SETD5: variants seen among roughly 807,000 people sequenced by gnomAD.
SETD5 encodes the protein SET domain containing 5, also known as histone-lysine N-methyltransferase SETD5.
In SETD5, 44 loss-of-function variants were observed where a neutral mutation model predicts 153.3. That is an observed-to-expected ratio of 0.29 (90% CI 0.23 to 0.37). The LOEUF (loss-of-function observed/expected upper bound fraction) is 0.37, where lower values mean the gene tolerates loss of function less well. SETD5 is among the 10% of genes least tolerant of loss of function. The pLI is 1.00. For missense variants in SETD5, 1,544 were observed against 1,768.0 expected, an observed-to-expected ratio of 0.87 and a Z score of 2.27; for synonymous variants, 716 against 645.2, an observed-to-expected ratio of 1.11 and a Z score of -1.66.
rs1203074647 is a variant in SETD5, at chr3:9,457,464, G to A, written c.2476+3596G>A. 2.0e-5 allele frequency among the ~76,000 whole-genome samples: 3 copies of A among 151,878 alleles called. No individual in the cohort carries two copies. In the East Asian group the frequency reaches 5.8e-4, roughly 29 times the overall value. ...ATCGCGCCACTGCACTCCTGCCTGG[G>A]CAATAGAGTGAGACTCTGTCTCAAA... is the stretch of plus-strand genomic sequence containing the variant. On this transcript the variant is annotated intron_variant, in intron 17 of 22. Transcript: ENST00000402198.
intron 1 of SETD5, among the ~76,000 whole-genome samples, chr3:9,410,101 A>T (rs1431607792): frequency 2.0e-5 from 3 of 152,220 alleles, no homozygotes; most frequent in Non-Finnish European, 2.9e-5. Context: ...AACATCTAGA[A>T]TGTACTAACA....
chr3:9,471,009 A>G (rs534726739), intron 19 of SETD5, 80 bp downstream of exon 19: 31 of 738,976 alleles, frequency 4.2e-5, no homozygotes, highest in Admixed American at 1.4e-4. Flanking sequence ...AGTTTCTGCT[A>G]TGTGTTCCGC....
At position 9,448,637 on chromosome 3, in the gene SETD5, C is replaced by T. The variant is rs757327994; in HGVS notation, c.2346+7C>T. On this transcript the variant is annotated splice_region_variant and intron_variant, in intron 16 of 22. Transcript: ENST00000402198. Reference sequence around the variant, plus strand: ...ATTCAGCTCCTGTAAGAAGGTATGTCTGTGTTTTTGTGTGTGTGTTGTGTT... The same window carrying T: ...ATTCAGCTCCTGTAAGAAGGTATGTTTGTGTTTTTGTGTGTGTGTTGTGTT... 1 of 1,556,272 alleles carries T rather than the reference C, an allele frequency of 6.4e-7. No homozygotes were observed. Among genetic ancestry groups the T allele is most frequent in the Admixed American group, 1.9e-5 (1 of 51,964 alleles).
chr3:9,430,772 C>T (rs887757242), intron 3 of SETD5: 2 of 951,348 alleles, frequency 2.1e-6, no homozygotes, highest in East Asian at 2.3e-4. Flanking sequence ...ACATGACTGC[C>T]CGTAAATACT....
intron 16 of SETD5, among the ~76,000 whole-genome samples, chr3:9,452,659 A>AT (rs1164278885): frequency 0.034 from 2,042 of 59,744 alleles, 32 homozygotes; most frequent in Middle Eastern, 0.047. Flanking sequence ...ATGATGTAAG[A>AT]TTTTTTTTTT....
chr3:9,414,961 T>C (rs1051128470), intron 1 of SETD5, among the ~76,000 whole-genome samples: 7 of 152,120 alleles, frequency 4.6e-5, no homozygotes, highest in Admixed American at 6.5e-5. Context: ...AAAAGGAAAA[T>C]AGCAAATTTA....
intron 13 of SETD5, 44 bp downstream of exon 13, chr3:9,445,784 A>C (rs767242443): frequency 3.5e-6 from 5 of 1,408,790 alleles, no homozygotes; most frequent in Non-Finnish European, 4.9e-6. Flanking sequence ...CATTCCTGCT[A>C]CCTCCATCAT....
intron 18 of SETD5, 126 bp downstream of exon 18, chr3:9,464,798 G>A: frequency 6.7e-7 from 1 of 1,492,968 alleles, no homozygotes; most frequent in Non-Finnish European, 9.1e-7. Context: ...GTAAGAGAAT[G>A]GGAAACCTCA....
At chr3:9,443,456 G>A in intron 11 of SETD5, 39 bp downstream of exon 11, 1 of 1,124,938 alleles carries the variant, frequency 8.9e-7, no homozygotes, top group Non-Finnish European at 1.2e-6. Flanking sequence ...GAATATCCAT[G>A]TCTTACATAT....
At chr3:9,464,808 A>G (rs1389098260) in intron 18 of SETD5, 136 bp downstream of exon 18, 2 of 1,425,122 alleles carry the variant, frequency 1.4e-6, no homozygotes, top group South Asian at 1.3e-5. Context: ...GGGAAACCTC[A>G]GGGTCATTGT....
At chr3:9,412,189 T>G (rs2036664353) in intron 1 of SETD5, among the ~76,000 whole-genome samples, 1 of 152,084 alleles carries the variant, frequency 6.6e-6, no homozygotes, top group South Asian at 2.1e-4. Context: ...GTTTGATTTT[T>G]TTGTTGTTGT....
intron 17 of SETD5, among the ~76,000 whole-genome samples, chr3:9,459,102 T>C (rs1021621080): frequency 6.6e-6 from 1 of 152,142 alleles, no homozygotes; most frequent in Non-Finnish European, 1.5e-5. Flanking sequence ...CTGTAAAAAG[T>C]TGTCAGATGC....
intron 18 of SETD5, among the ~76,000 whole-genome samples, chr3:9,467,941 T>A (rs2044807526): frequency 6.6e-6 from 1 of 151,814 alleles, no homozygotes. Flanking sequence ...CTCTAGCCTG[T>A]GAGCTAGGGA....
intron 13 of SETD5, among the ~76,000 whole-genome samples, chr3:9,446,548 A>C (rs1302999944): frequency 1.3e-5 from 2 of 150,578 alleles, no homozygotes; most frequent in African/African-American, 4.9e-5. Context: ...GCTGGAGTGC[A>C]GTGGCGCAAT....
chr3:9,473,575 G>GT, intron 20 of SETD5, 38 bp downstream of exon 20: 1 of 1,548,320 alleles, frequency 6.5e-7, no homozygotes, highest in Non-Finnish European at 8.8e-7. Flanking sequence ...TAAATTGGGG[G>GT]TGGGGGGGAG....
chr3:9,447,945 T>C lies in SETD5; in HGVS notation c.2042T>C (p.Val681Ala). Reference protein sequence around the residue: ...NRPLTGSDPTVVSITGSHVNR... With the variant: ...NRPLTGSDPTAVSITGSHVNR... ...CCATTAACAGGGTCTGACCCAACTGTGGTGTCAATTACTGGATCCCATGTC... is the reference window on the plus strand; with the variant it reads ...CCATTAACAGGGTCTGACCCAACTGCGGTGTCAATTACTGGATCCCATGTC... The change falls in exon 15 of 23, where the codon GTG becomes GCG. Residue 681 changes from valine (V) to alanine (A), a missense_variant. Physicochemically the swap from Val to Ala is moderately conservative, Grantham distance 64 (BLOSUM62 0). This residue lies in a region of SETD5 where 782 missense variants were observed against 787.2 expected (regional missense o/e 0.99). Transcript: ENST00000402198. 1 of 1,613,970 alleles carries C rather than the reference T, an allele frequency of 6.2e-7. No individual in the cohort carries two copies. The highest frequency in any genetic ancestry group is 8.5e-7 in the Non-Finnish European group (1 of 1,179,862).
chr3:9,473,583 G>A (rs755958266), intron 20 of SETD5, 46 bp downstream of exon 20: 191 of 1,519,244 alleles, frequency 1.3e-4, no homozygotes, highest in Non-Finnish European at 1.5e-4. Flanking sequence ...GGGTGGGGGG[G>A]AGTATATATC....
rs1255447832 is a variant in SETD5, at chr3:9,434,816, C to T, written c.330-8C>T. On this transcript the variant is annotated splice_polypyrimidine_tract_variant and splice_region_variant and intron_variant, in intron 5 of 22. Transcript: ENST00000402198. This position sits in a 1 kb window ranked among gnomAD's most constrained non-coding sequence, Gnocchi z 5.6. ...AAGGACTACTTTAAGTTTATTTTCC[C>T]TCTTTAGGGGAATGAGCAGGGGGAA... 2 of 1,611,592 alleles carry T rather than the reference C, an allele frequency of 1.2e-6. No homozygotes were observed. Among genetic ancestry groups the T allele is most frequent in the Admixed American group, 1.7e-5 (1 of 59,622 alleles).
chr3:9,446,331 G>A (rs1381398127), intron 13 of SETD5, among the ~76,000 whole-genome samples: 2 of 149,746 alleles, frequency 1.3e-5, no homozygotes, highest in Non-Finnish European at 3.0e-5. Flanking sequence ...AAAACTGGCT[G>A]GTCAGAATCA....
Sources: allele counts gnomAD v4.1 joint callset (sites outside exome capture counted in the v4.1 genomes callset), GRCh38; gene constraint gnomAD v4.1.1; regional missense constraint gnomAD v4.1.1; non-coding constraint Gnocchi (gnomAD v3.1); transcripts MANE v1.5; gene names NCBI Gene and HGNC (gene_info 2026-07-23, HGNC 2026-07-21).